UGT1A3: variants seen among roughly 807,000 people sequenced by gnomAD.
The protein encoded by UGT1A3 is UDP glucuronosyltransferase family 1 member A3.
In UGT1A3, 31 loss-of-function variants were observed where a neutral mutation model predicts 41.0. That is an observed-to-expected ratio of 0.76 (90% CI 0.57 to 1.02). The LOEUF (loss-of-function observed/expected upper bound fraction) is 1.02, where lower values mean the gene tolerates loss of function less well. Among genes scored for constraint, UGT1A3 ranks in the 50% least tolerant of loss-of-function variants. The probability of loss-of-function intolerance (pLI) is 0.00; values close to 1 mark genes in which losing one functional copy is unlikely to be tolerated. For missense variants in UGT1A3, 737 were observed against 671.0 expected (o/e 1.10, Z -1.09); for synonymous variants, 262 against 257.6 (o/e 1.02, Z -0.17).
In UGT1A3 at chr2:233,754,741, T is replaced by C; in HGVS notation, c.868-12293T>C. On this transcript the variant is annotated intron_variant, in intron 1 of 4. Coordinates refer to ENST00000482026, the MANE Select transcript of UGT1A3 (RefSeq NM_019093.4). Reference sequence around the variant, plus strand: ...CCTGTCCCATCACTACCGTAGGACATGCAGAAGGAAGAAAGGCCCCCACTT... The same window carrying C: ...CCTGTCCCATCACTACCGTAGGACACGCAGAAGGAAGAAAGGCCCCCACTT... The C allele has an allele frequency of 7.1e-6, 5 of 707,448 alleles. No homozygotes were observed. In the South Asian group the frequency reaches 7.2e-5, roughly 10 times the overall value. The allele number at this position is 707,448 out of a possible 1,614,324, so 43.8% of individuals were successfully genotyped here. A position where few individuals can be genotyped will look rare whatever the true frequency, so the allele number is the denominator to read the frequency against.
Position 233,729,286 on chromosome 2 carries a change from A to G in UGT1A3, c.160A>G (p.Arg54Gly), listed in dbSNP as rs751108537. 2 of 1,614,248 alleles carry G rather than the reference A, an allele frequency of 1.2e-6. No individual in the cohort carries two copies. The highest frequency in any genetic ancestry group is 1.7e-6 in the Non-Finnish European group (2 of 1,180,036). Residue 54 changes from arginine (R) to glycine (G), a missense_variant, in exon 1 of 5, where the codon AGA (arginine) becomes GGA (glycine). Coordinates refer to ENST00000482026, the MANE Select transcript of UGT1A3 (RefSeq NM_019093.4). ...GGAGGTCTTGCGGGAGCTCCATGCC[A>G]GAGGCCACCAGGCAGTGGTCCTCAC... The part of the protein sequence containing the change: ...MREVLRELHA[R>G]GHQAVVLTPE...
chr2:233,740,554 T>C (rs983150710), intron 1 of UGT1A3: 2 of 151,778 alleles, frequency 1.3e-5, no homozygotes, highest in African/African-American at 4.9e-5. Context: ...CCAGAAAAAA[T>C]GTCCGGCATT....
intron 1 of UGT1A3, among the ~76,000 whole-genome samples, chr2:233,759,217 A>T (rs1421776019): frequency 1.3e-5 from 2 of 152,292 alleles, no homozygotes; most frequent in East Asian, 3.9e-4. Flanking sequence ...AGGTCCATTT[A>T]TGCAAATGAA....
intron 1 of UGT1A3, chr2:233,754,349 G>A (rs1243169158): frequency 7.7e-6 from 2 of 260,182 alleles, no homozygotes; most frequent in African/African-American, 4.5e-5. Context: ...ATAGCAAATT[G>A]CATACAGATA....
Position 233,772,392 on chromosome 2 carries a change from C to T in UGT1A3, c.1438C>T (p.His480Tyr), listed in dbSNP as rs753109787. 4 of 1,614,252 alleles carry T rather than the reference C, an allele frequency of 2.5e-6. No homozygotes were observed. Among genetic ancestry groups the T allele is most frequent in the East Asian group, 2.2e-5 (1 of 44,876 alleles). ...KGAPHLRPAA[H>Y]DLTWYQYHSL... is the part of the protein sequence containing the mutation. Reference sequence around the variant, plus strand: ...CGCGCCACACCTGCGCCCCGCAGCCCACGACCTCACCTGGTACCAGTACCA... The same window carrying T: ...CGCGCCACACCTGCGCCCCGCAGCCTACGACCTCACCTGGTACCAGTACCA... Residue 480 changes from histidine (H) to tyrosine (Y), a missense_variant, in exon 5 of 5, where the codon CAC (histidine) becomes TAC (tyrosine). Coordinates refer to ENST00000482026, the MANE Select transcript of UGT1A3 (RefSeq NM_019093.4).
At chr2:233,739,813 T>G (rs1439144869) in intron 1 of UGT1A3, among the ~76,000 whole-genome samples, 1 of 151,900 alleles carries the variant, frequency 6.6e-6, no homozygotes, top group Non-Finnish European at 1.5e-5. Context: ...GCATGATTGG[T>G]TTTTAAATGT....
chr2:233,738,082 A>G (rs1218405907), intron 1 of UGT1A3, among the ~76,000 whole-genome samples: 11 of 152,110 alleles, frequency 7.2e-5, no homozygotes, highest in African/African-American at 2.4e-4. Flanking sequence ...TCCTAATCTC[A>G]TCATAGTGAG....
chr2:233,769,797 A>G lies in UGT1A3; in HGVS notation c.1307+1358A>G. The G allele has an allele frequency of 1.7e-6, 2 of 1,194,568 alleles. No individual in the cohort carries two copies. Among genetic ancestry groups the G allele is most frequent in the Non-Finnish European group, 2.2e-6 (2 of 895,402 alleles). The allele number at this position is 1,194,568 out of a possible 1,614,324, so 74.0% of individuals were successfully genotyped here. A position where few individuals can be genotyped will look rare whatever the true frequency, so the allele number is the denominator to read the frequency against. ...TTGAGCCCAGAAGTTGGAGGCTGCT[A>G]TGAGCCGTGATCATGCCACTGCACT... On this transcript the variant is annotated intron_variant, in intron 4 of 4. Transcript: ENST00000482026. This position sits in a 1 kb window ranked among gnomAD's most constrained non-coding sequence, Gnocchi z 4.4.
intron 1 of UGT1A3, chr2:233,740,822 C>A (rs1691482429): frequency 1.3e-5 from 2 of 151,840 alleles, no homozygotes; most frequent in Non-Finnish European, 2.9e-5. Flanking sequence ...TGTTTTTGAG[C>A]TGAGACATTT....
At chr2:233,730,680 C>T (rs1218688522) in intron 1 of UGT1A3, among the ~76,000 whole-genome samples, 1 of 152,088 alleles carries the variant, frequency 6.6e-6, no homozygotes, top group African/African-American at 2.4e-5. Flanking sequence ...GTAATGGTTG[C>T]ATCTCAAATG....
chr2:233,760,133 A>G, intron 1 of UGT1A3: 6 of 1,369,658 alleles, frequency 4.4e-6, no homozygotes, highest in East Asian at 2.5e-5. Context: ...CACCTTCTTT[A>G]TCTCTGAAAG....
chr2:233,741,836 G>A (rs547216882), intron 1 of UGT1A3: 1 of 151,972 alleles, frequency 6.6e-6, no homozygotes, highest in South Asian at 2.1e-4. Context: ...CAGTTCAGTT[G>A]CCTTTTGCTC....
intron 1 of UGT1A3, among the ~76,000 whole-genome samples, chr2:233,765,111 G>C (rs1698754315): frequency 6.6e-6 from 1 of 152,118 alleles, no homozygotes; most frequent in Non-Finnish European, 1.5e-5. Context: ...GGCTTCCTCA[G>C]GACTGTTCAG....
chr2:233,765,208 G>C (rs1325678271), intron 1 of UGT1A3, among the ~76,000 whole-genome samples: 1 of 152,132 alleles, frequency 6.6e-6, no homozygotes, highest in Non-Finnish European at 1.5e-5. Flanking sequence ...AGTGCCCTCA[G>C]TATTCTTTGC....
intron 1 of UGT1A3, chr2:233,743,045 T>C (rs397706649): frequency 6.3e-6 from 2 of 318,190 alleles, no homozygotes; most frequent in Non-Finnish European, 6.1e-6. Context: ...CCTATCCGTG[T>C]AGTCCCAACG....
At chr2:233,760,299 G>T (rs781590934) in intron 1 of UGT1A3, 2 of 1,613,582 alleles carry the variant, frequency 1.2e-6, no homozygotes, top group East Asian at 2.2e-5. Context: ...TGGCTGTGGA[G>T]TCCCAGGGCG....
chr2:233,751,386 C>T (rs1694713563), intron 1 of UGT1A3, among the ~76,000 whole-genome samples: 1 of 152,086 alleles, frequency 6.6e-6, no homozygotes, highest in African/African-American at 2.4e-5. Flanking sequence ...TGCCTTGTCT[C>T]AGATAAGACT....
chr2:233,738,550 A>G (rs1046913634), intron 1 of UGT1A3, among the ~76,000 whole-genome samples: 1 of 152,224 alleles, frequency 6.6e-6, no homozygotes, highest in African/African-American at 2.4e-5. Flanking sequence ...AGTCTCAGAT[A>G]GAGATGAGGA....
rs45625338 is a variant in UGT1A3 at position 233,729,259 on chromosome 2, C to A, written c.133C>A (p.Arg45=). 6.2e-7 allele frequency: 1 copy of A among 1,613,960 alleles called. No homozygotes were observed. The highest frequency in any genetic ancestry group is 1.7e-5 in the Admixed American group (1 of 60,008). ...PIDGSHWLSM[R]EVLRELHARG... ...TGATGGCAGCCACTGGCTCAGCATG[C>A]GGGAGGTCTTGCGGGAGCTCCATGC... Residue 45 remains arginine (R), a synonymous_variant, in exon 1 of 5, where the codon CGG becomes AGG. Transcript: ENST00000482026.
Sources: gnomAD v4.1 joint callset for allele counts (sites outside exome capture counted in the v4.1 genomes callset) on GRCh38, gnomAD v4.1.1 for gene constraint, Gnocchi (gnomAD v3.1) non-coding constraint, MANE v1.5 for transcripts, NCBI Gene and HGNC (gene_info 2026-07-23, HGNC 2026-07-21) for gene names.